The following ABL1 variants were observed in gnomAD, a reference collection of about 807,000 sequenced individuals.
The protein encoded by ABL1 is tyrosine-protein kinase ABL1.
ABL1 carries 11 observed loss-of-function variants against 94.7 expected under a neutral mutation model. The ratio of observed to expected loss-of-function variants is 0.12; its 90% CI spans 0.07 to 0.19. The LOEUF is 0.19. Among genes scored for constraint, ABL1 ranks in the 10% least tolerant of loss-of-function variants. The pLI is 1.00. For synonymous variants in ABL1, 656 were observed against 622.4 expected (o/e 1.05, Z -0.80); for missense variants, 1,082 against 1,489.4 (o/e 0.73, Z 4.50).
chr9:130,725,641 A>G (rs1831571304), intron 1 of ABL1, among the ~76,000 whole-genome samples: 1 of 151,936 alleles, frequency 6.6e-6, no homozygotes, highest in Non-Finnish European at 1.5e-5. Context: ...AGGCCTCCCA[A>G]AGTGCGGGGA....
At chr9:130,734,651 A>G (rs1374311900) in intron 1 of ABL1, among the ~76,000 whole-genome samples, 1 of 151,458 alleles carries the variant, frequency 6.6e-6, no homozygotes, top group Non-Finnish European at 1.5e-5. Context: ...CCTCCCGAGT[A>G]GCTGGGATCA....
chr9:130,880,563 C>T lies in ABL1; in HGVS notation c.1577C>T (p.Pro526Leu). Residue 526 changes from proline to leucine, a missense_variant, in exon 10 of 11, where the codon CCA (proline) becomes CTA (leucine). By Grantham distance (98) the Pro-to-Leu change is moderately conservative. This residue lies in a region of ABL1 where 780 missense variants were observed against 835.8 expected (regional missense o/e 0.93). Transcript: ENST00000318560. This position sits in a 1 kb window ranked among gnomAD's most constrained non-coding sequence, Gnocchi z 4.4. ...GCTGTGAGTACCTTGCTGCAGGCCC[C>T]AGAGCTGCCCACCAAGACGAGGACC... Reference protein sequence around the residue: ...RGAVSTLLQAPELPTKTRTSR... With the variant: ...RGAVSTLLQALELPTKTRTSR... 6.2e-7 allele frequency: 1 copy of T among 1,613,860 alleles called. No homozygotes were observed. The highest frequency in any genetic ancestry group is 8.5e-7 in the Non-Finnish European group (1 of 1,179,902).
At chr9:130,876,733 CTTTTTTT>C (rs755840936) in intron 7 of ABL1, among the ~76,000 whole-genome samples, 2 of 83,228 alleles carry the variant, frequency 2.4e-5, no homozygotes, top group Non-Finnish European at 4.4e-5. Flanking sequence ...AAGTTGGTTT[CTTTTTTT>C]TTTTTTTTTT....
chr9:130,795,555 C>T (rs1437614195), intron 1 of ABL1, among the ~76,000 whole-genome samples: 1 of 152,138 alleles, frequency 6.6e-6, no homozygotes. Context: ...CTTTATTTTG[C>T]AAAACTGACC....
chr9:130,788,789 A>G (rs1318003808), intron 1 of ABL1, among the ~76,000 whole-genome samples: 1 of 152,200 alleles, frequency 6.6e-6, no homozygotes, highest in Non-Finnish European at 1.5e-5. Flanking sequence ...TTACTATTAG[A>G]TTCAAGTTAC....
exon 1 of ABL1, chr9:130,713,905 T>C (rs917911391): frequency 4.3e-6 from 1 of 232,734 alleles, no homozygotes; most frequent in African/African-American, 2.2e-5. Flanking sequence ...ACAGGAAAAG[T>C]TCTGGAGGAG....
intron 4 of ABL1, among the ~76,000 whole-genome samples, chr9:130,866,259 C>T (rs552972976): frequency 1.3e-5 from 2 of 152,188 alleles, no homozygotes; most frequent in African/African-American, 4.8e-5. Context: ...AGCTCCAAAG[C>T]TCAGCTCTTC....
At chr9:130,836,074 C>G (rs1380816454) in intron 1 of ABL1, among the ~76,000 whole-genome samples, 2 of 152,268 alleles carry the variant, frequency 1.3e-5, no homozygotes, top group African/African-American at 4.8e-5. Context: ...TTTATGGATA[C>G]AGAATTTCAA....
chr9:130,853,204 C>T (rs1358466318), intron 1 of ABL1, among the ~76,000 whole-genome samples: 1 of 104,664 alleles, frequency 9.6e-6, no homozygotes, highest in African/African-American at 3.8e-5. Flanking sequence ...GAGATGGAGT[C>T]TCACTCTGTC....
intron 1 of ABL1, among the ~76,000 whole-genome samples, chr9:130,762,710 G>A (rs1832131260): frequency 6.6e-6 from 1 of 151,956 alleles, no homozygotes; most frequent in African/African-American, 2.4e-5. Flanking sequence ...AGGAGATCGA[G>A]ACCATCCTGG....
At chr9:130,770,505 T>G (rs1033043126) in intron 1 of ABL1, among the ~76,000 whole-genome samples, 1 of 152,174 alleles carries the variant, frequency 6.6e-6, no homozygotes, top group Admixed American at 6.5e-5. Flanking sequence ...AGCACTTGTC[T>G]CCAAAAATGT....
intron 1 of ABL1, among the ~76,000 whole-genome samples, chr9:130,809,173 C>T (rs35645742): frequency 2.6e-5 from 4 of 152,194 alleles, no homozygotes; most frequent in East Asian, 1.9e-4. Context: ...GGAGCCCACT[C>T]GAGTATTCGG....
chr9:130,759,619 G>A (rs1564282005), intron 1 of ABL1, among the ~76,000 whole-genome samples: 1 of 152,054 alleles, frequency 6.6e-6, no homozygotes, highest in Admixed American at 6.6e-5. Context: ...GAATGTACTC[G>A]AATATCAAAT....
upstream of ABL1, among the ~76,000 whole-genome samples, chr9:130,831,269 A>G (rs932586808): frequency 5.9e-5 from 9 of 152,250 alleles, no homozygotes; most frequent in South Asian, 6.2e-4. Context: ...TGTCAGGTTC[A>G]TCTGTCTCTG....
chr9:130,782,408 T>C (rs1435397965), intron 1 of ABL1, among the ~76,000 whole-genome samples: 3 of 152,192 alleles, frequency 2.0e-5, no homozygotes, highest in African/African-American at 7.2e-5. Flanking sequence ...CTGTGACTCA[T>C]TAGTAGTGGA....
rs137863905 is a variant in ABL1, at chr9:130,841,248, C to T, written c.79+5723C>T. On this transcript the variant is annotated intron_variant, in intron 1 of 10. Transcript: ENST00000318560. ...CTGCAAGCTCCGCCTCCTGGGTTCA[C>T]GCCATTCTCCTGCCTCAGCCTCCCT... Among the ~76,000 whole-genome samples, 921 of 151,712 alleles carry T rather than the reference C, an allele frequency of 6.1e-3. 9 individuals are homozygous for T. The highest frequency in any genetic ancestry group is 0.021 in the African/African-American group (861 of 41,416).
intron 1 of ABL1, among the ~76,000 whole-genome samples, chr9:130,715,161 T>A (rs1831422010): frequency 6.6e-6 from 1 of 152,240 alleles, no homozygotes; most frequent in South Asian, 2.1e-4. Flanking sequence ...TATGAACATA[T>A]TTGGCATTTG....
chr9:130,840,843 C>CAT (rs1287713375), intron 1 of ABL1, among the ~76,000 whole-genome samples: 2 of 152,086 alleles, frequency 1.3e-5, no homozygotes, highest in Non-Finnish European at 2.9e-5. Context: ...AAGTAGACAG[C>CAT]ATAATGAACT....
chr9:130,846,021 C>T (rs552733165), intron 1 of ABL1, among the ~76,000 whole-genome samples: 1 of 152,186 alleles, frequency 6.6e-6, no homozygotes, highest in South Asian at 2.1e-4. Flanking sequence ...ACCCTAGCAG[C>T]TGACACAGTG....
Sources: gnomAD v4.1 joint callset for allele counts (sites outside exome capture counted in the v4.1 genomes callset) on GRCh38, gnomAD v4.1.1 for gene constraint, gnomAD v4.1.1 regional missense constraint, Gnocchi (gnomAD v3.1) non-coding constraint, MANE v1.5 for transcripts, NCBI Gene and HGNC (gene_info 2026-07-23, HGNC 2026-07-21) for gene names.